DNAH11: variants seen among roughly 807,000 people sequenced by gnomAD.
DNAH11 encodes the protein axonemal beta dynein heavy chain 11.
In DNAH11, 442 loss-of-function variants were observed where a neutral mutation model predicts 526.0. The observed-to-expected ratio is 0.84, with a 90% CI of 0.78 to 0.91. DNAH11 has a LOEUF of 0.91. Among genes scored for constraint, DNAH11 ranks in the 40% least tolerant of loss-of-function variants. The pLI is 0.00. For missense variants in DNAH11, 6,989 were observed against 5,448.7 expected (o/e 1.28, Z -8.90); for synonymous variants, 2,461 against 1,935.9 (o/e 1.27, Z -7.12).
At chr7:21,561,245 G>A in intron 5 of DNAH11, 75 bp downstream of exon 5, 7 of 1,058,384 alleles carry the variant, frequency 6.6e-6, no homozygotes, top group Non-Finnish European at 9.9e-6. Context: ...GCTCGGCCTT[G>A]ATATTTACCC....
At chr7:21,608,471 G>A (rs1562697250) in intron 20 of DNAH11, among the ~76,000 whole-genome samples, 1 of 152,154 alleles carries the variant, frequency 6.6e-6, no homozygotes, top group Non-Finnish European at 1.5e-5. Context: ...TTAGCTGGAT[G>A]CGGCTGACAG....
intron 54 of DNAH11, among the ~76,000 whole-genome samples, chr7:21,765,199 T>G (rs1787120940): frequency 6.8e-6 from 1 of 147,108 alleles, no homozygotes; most frequent in African/African-American, 2.5e-5. Flanking sequence ...AGAGACAAGT[T>G]TTAAGGAAAG....
intron 30 of DNAH11, among the ~76,000 whole-genome samples, chr7:21,661,678 G>A (rs1182219960): frequency 2.6e-5 from 4 of 152,022 alleles, no homozygotes; most frequent in African/African-American, 9.7e-5. Flanking sequence ...TCAAATCTCA[G>A]CTTCTACTAT....
At chr7:21,691,011 C>A in intron 35 of DNAH11, 130 bp downstream of exon 35, 1 of 663,016 alleles carries the variant, frequency 1.5e-6, no homozygotes, top group Non-Finnish European at 2.6e-6. Context: ...TCCTTGGGCT[C>A]CTTTTATAGA....
At chr7:21,765,967 A>T (rs1006301018) in intron 55 of DNAH11, among the ~76,000 whole-genome samples, 3 of 152,152 alleles carry the variant, frequency 2.0e-5, no homozygotes, top group Admixed American at 6.5e-5. Flanking sequence ...GCCCAAACAG[A>T]AATGTAGTCA....
intron 47 of DNAH11, among the ~76,000 whole-genome samples, chr7:21,739,137 A>T (rs935380158): frequency 6.6e-6 from 1 of 152,180 alleles, no homozygotes; most frequent in African/African-American, 2.4e-5. Context: ...TCCGGAAATC[A>T]TGTCCTCTTT....
At chr7:21,741,031 G>A (rs185436800) in intron 48 of DNAH11, among the ~76,000 whole-genome samples, 3 of 152,086 alleles carry the variant, frequency 2.0e-5, no homozygotes, top group South Asian at 2.1e-4. Flanking sequence ...TCGGAGAAAC[G>A]TCTATTCAAG....
At position 21,901,453 on chromosome 7, in the gene DNAH11, TAATCCCAGTTACTCA is replaced by T. The variant is rs1411698458; in HGVS notation, c.*200_*214del. On this transcript the variant is annotated 3_prime_UTR_variant, in exon 82 of 82. Coordinates refer to ENST00000409508, the MANE Select transcript of DNAH11 (RefSeq NM_001277115.2). ...GGCTGAGCGTGGTGGCACACGACTG[TAATCCCAGTTACTCA>T]GGAGGTAGGAGAATCACTTGAACCT... The T allele has an allele frequency of 1.6e-6, 1 of 630,812 alleles. No homozygotes were observed. Among genetic ancestry groups the T allele is most frequent in the Non-Finnish European group, 2.3e-6 (1 of 438,396 alleles). 39.1% of individuals were successfully genotyped at this position (630,812 alleles called of 1,614,324 possible). A position where few individuals can be genotyped will look rare whatever the true frequency, so the allele number is the denominator to read the frequency against.
intron 58 of DNAH11, among the ~76,000 whole-genome samples, chr7:21,786,086 A>G (rs1241056102): frequency 1.3e-5 from 2 of 152,190 alleles, no homozygotes; most frequent in East Asian, 3.9e-4. Context: ...TGAGGAGACA[A>G]AGGAGTAGAG....
chr7:21,835,601 A>G (rs1244189734), intron 65 of DNAH11, among the ~76,000 whole-genome samples: 1 of 152,176 alleles, frequency 6.6e-6, no homozygotes, highest in African/African-American at 2.4e-5. Flanking sequence ...TTGTGTATAG[A>G]AGGAACATAC....
intron 20 of DNAH11, among the ~76,000 whole-genome samples, chr7:21,607,287 G>C (rs62447778): frequency 0.11 from 17,247 of 152,186 alleles, 1,255 homozygotes; most frequent in East Asian, 0.2. Context: ...ACATTCCTCT[G>C]TCTGCTTTTA....
rs549859107 is a variant in DNAH11, at chr7:21,558,945, A to G, written c.639A>G (p.Pro213=). 5 of 1,595,774 alleles carry G rather than the reference A, an allele frequency of 3.1e-6. No homozygotes were observed. The highest frequency in any genetic ancestry group is 1.3e-5 in the African/African-American group (1 of 74,762). The stretch of plus-strand genomic sequence containing the variant: ...AAATGTCTAGAAGAACTCTTCTACC[A>G]ATTCCCACTGTTGCAGGAAAGATGG... ...RGKMSRRTLL[P]IPTVAGKMDL... The change falls in exon 3 of 82, where the codon CCA becomes CCG. Residue 213 remains proline (P), a synonymous_variant. Transcript: ENST00000409508.
At position 21,735,726 on chromosome 7, in the gene DNAH11, A is replaced by G. The variant is rs745441939; in HGVS notation, c.7527A>G (p.Val2509=). ...LLEKGKPLML[V]GNAGVGKTVF... ...AGAAAGGAAAACCTCTAATGCTAGTAGGAAATGCAGGAGTGGGAAAAACAG... is the reference window on the plus strand; with the variant it reads ...AGAAAGGAAAACCTCTAATGCTAGTGGGAAATGCAGGAGTGGGAAAAACAG... The change falls in exon 46 of 82, where the codon GTA becomes GTG. Residue 2509 remains valine, a synonymous_variant. Transcript: ENST00000409508. 5 of 1,613,902 alleles carry G rather than the reference A, an allele frequency of 3.1e-6. No homozygotes were observed. Among genetic ancestry groups the G allele is most frequent in the South Asian group, 1.1e-5 (1 of 91,088 alleles).
intron 28 of DNAH11, among the ~76,000 whole-genome samples, chr7:21,653,426 G>C (rs1477182754): frequency 1.3e-5 from 2 of 152,164 alleles, no homozygotes; most frequent in Admixed American, 6.5e-5. Flanking sequence ...CCTAAGATTT[G>C]TGTTTCCTGG....
chr7:21,793,596 A>G (rs551030973), intron 61 of DNAH11, among the ~76,000 whole-genome samples: 1 of 150,142 alleles, frequency 6.7e-6, no homozygotes, highest in South Asian at 2.1e-4. Context: ...AGCCTGGATG[A>G]CAGAGTGAGA....
chr7:21,785,289 A>G (rs543262013), intron 58 of DNAH11, among the ~76,000 whole-genome samples: 1 of 152,340 alleles, frequency 6.6e-6, no homozygotes, highest in Non-Finnish European at 1.5e-5. Context: ...TGAAGAAAAT[A>G]ATTTTGACTG....
At position 21,635,932 on chromosome 7, in the gene DNAH11, G is replaced by A; in HGVS notation, c.4562G>A (p.Ser1521Asn). Reference protein sequence around the residue: ...YVEYFIEQVLSWQNKLNIADL... With the variant: ...YVEYFIEQVLNWQNKLNIADL... ...GAATATTTCATTGAGCAAGTGTTAA[G>A]CTGGCAAAATAAATTAAACATAGCA... Residue 1521 changes from serine to asparagine, a missense_variant, in exon 26 of 82, where the codon AGC becomes AAC. By Grantham distance (46) the Ser-to-Asn change is conservative (BLOSUM62 1). Coordinates refer to ENST00000409508, the MANE Select transcript of DNAH11 (RefSeq NM_001277115.2). 6.2e-7 allele frequency: 1 copy of A among 1,613,332 alleles called. No homozygotes were observed. Among genetic ancestry groups the A allele is most frequent in the Non-Finnish European group, 8.5e-7 (1 of 1,179,610 alleles).
intron 8 of DNAH11, among the ~76,000 whole-genome samples, chr7:21,580,371 A>T (rs1411466869): frequency 6.6e-6 from 1 of 152,198 alleles, no homozygotes; most frequent in East Asian, 1.9e-4. Context: ...TCTAATTCAG[A>T]AGTGGAAACT....
chr7:21,560,927 A>T, intron 4 of DNAH11, 144 bp from the exon 5 acceptor site: 1 of 618,206 alleles, frequency 1.6e-6, no homozygotes, highest in East Asian at 3.1e-5. Context: ...AATTATTTTC[A>T]ACTGGAAACC....
Sources: gnomAD v4.1 joint callset for allele counts (sites outside exome capture counted in the v4.1 genomes callset) on GRCh38, gnomAD v4.1.1 for gene constraint, MANE v1.5 for transcripts, NCBI Gene and HGNC (gene_info 2026-07-23, HGNC 2026-07-21) for gene names.